NTRK2: variants seen among roughly 807,000 people sequenced by gnomAD.
The protein encoded by NTRK2 is neurotrophic receptor tyrosine kinase 2.
In NTRK2, 13 loss-of-function variants were observed where a neutral mutation model predicts 94.5. The observed-to-expected ratio is 0.14, with a 90% CI of 0.09 to 0.22. The LOEUF (loss-of-function observed/expected upper bound fraction) is 0.22, where lower values mean the gene tolerates loss of function less well. Among genes scored for constraint, NTRK2 ranks in the 10% least tolerant of loss-of-function variants. The pLI, the probability that NTRK2 is intolerant of heterozygous loss-of-function variation, is 1.00. For missense variants in NTRK2, 639 were observed against 1,071.2 expected (o/e 0.60, Z 5.63); for synonymous variants, 372 against 407.4 (o/e 0.91, Z 1.05).
Position 84,725,094 on chromosome 9 carries a change from G to A in NTRK2, c.853+738G>A, listed in dbSNP as rs61347074. On this transcript the variant is annotated intron_variant, in intron 8 of 18. Transcript: ENST00000277120. The stretch of plus-strand genomic sequence containing the variant: ...GTCATTGTAAATTCTGAGCTGGCAC[G>A]GTATAAATTAATGAGGTTTTACTCT... Among the ~76,000 whole-genome samples the A allele has an allele frequency of 1.4e-4, 22 of 152,176 alleles. 1 individual carries two copies. The East Asian group carries it at 3.9e-3, about 27-fold the overall frequency.
Position 84,707,850 on chromosome 9 carries a change from T to C in NTRK2, c.366T>C (p.Phe122=). ...TGTTTTTGATTCCTTTCAGCAATTT[T>C]ACCCGAAACAAACTGACGAGTTTGT... ...LKNSNLQHIN[F]TRNKLTSLSR... is the part of the protein sequence containing the mutation. Residue 122 remains phenylalanine, a synonymous_variant, in exon 5 of 19, where the codon TTT becomes TTC. Transcript: ENST00000277120. 3 of 1,612,636 alleles carry C rather than the reference T, an allele frequency of 1.9e-6. No homozygotes were observed. The highest frequency in any genetic ancestry group is 2.5e-6 in the Non-Finnish European group (3 of 1,178,962).
rs1245731157 is a variant in NTRK2, at chr9:85,021,240, A to G, written c.2332-12A>G. On this transcript the variant is annotated splice_polypyrimidine_tract_variant and intron_variant, in intron 18 of 18. Coordinates refer to ENST00000277120, the MANE Select transcript of NTRK2 (RefSeq NM_006180.6). ...TTCCTCCTGTCTCATCCTATCTTTGATCTCCATCCAGGTGATAGAGTGTAT... is the reference window on the plus strand; with the variant it reads ...TTCCTCCTGTCTCATCCTATCTTTGGTCTCCATCCAGGTGATAGAGTGTAT... 6.2e-7 allele frequency: 1 copy of G among 1,612,794 alleles called. No homozygotes were observed.
chr9:84,872,850 A>G (rs199767096), intron 14 of NTRK2: 2 of 1,065,106 alleles, frequency 1.9e-6, no homozygotes, highest in Non-Finnish European at 2.3e-6. Context: ...GAGTATTTTA[A>G]CATTAGCTAA....
intron 17 of NTRK2, among the ~76,000 whole-genome samples, chr9:84,974,199 A>G (rs1826521146): frequency 6.6e-6 from 1 of 152,258 alleles, no homozygotes; most frequent in African/African-American, 2.4e-5. Context: ...GAGAAAGTAC[A>G]TAAAACCTGA....
intron 2 of NTRK2, among the ~76,000 whole-genome samples, chr9:84,684,353 C>A (rs1453253745): frequency 6.6e-6 from 1 of 152,148 alleles, no homozygotes; most frequent in Non-Finnish European, 1.5e-5. Flanking sequence ...TTTAATCCAT[C>A]TAGAGTTAAT....
At chr9:84,876,108 T>C (rs552370602) in intron 14 of NTRK2, 9 of 1,036,628 alleles carry the variant, frequency 8.7e-6, no homozygotes, top group African/African-American at 1.7e-5. Context: ...TTTTTAACCA[T>C]GCCATTGAAC....
chr9:84,697,446 G>A (rs2060454278), intron 2 of NTRK2, among the ~76,000 whole-genome samples: 1 of 152,164 alleles, frequency 6.6e-6, no homozygotes. Context: ...CTCCCTTGAG[G>A]GAATGGCACC....
At chr9:84,722,251 G>T (rs1444633877) in intron 6 of NTRK2, among the ~76,000 whole-genome samples, 4 of 150,782 alleles carry the variant, frequency 2.7e-5, no homozygotes, top group Non-Finnish European at 5.9e-5. Flanking sequence ...GTTTGGAAGG[G>T]GGGGTCTCAC....
At chr9:84,852,020 C>T (rs1308733899) in intron 12 of NTRK2, among the ~76,000 whole-genome samples, 2 of 152,150 alleles carry the variant, frequency 1.3e-5, no homozygotes, top group African/African-American at 4.8e-5. Flanking sequence ...ATGGAGAGCA[C>T]GGCCTTCCTT....
At chr9:84,971,751 C>T (rs1826210291) in intron 17 of NTRK2, among the ~76,000 whole-genome samples, 1 of 152,150 alleles carries the variant, frequency 6.6e-6, no homozygotes, top group Admixed American at 6.5e-5. Context: ...GGCTGAGGGG[C>T]TCTTACAGAA....
chr9:84,685,589 A>G (rs1037529307), intron 2 of NTRK2, among the ~76,000 whole-genome samples: 6 of 152,192 alleles, frequency 3.9e-5, no homozygotes, highest in African/African-American at 1.4e-4. Context: ...CCTCAAATTC[A>G]AAGCCATTTC....
intron 12 of NTRK2, among the ~76,000 whole-genome samples, chr9:84,782,830 G>A (rs1238727378): frequency 6.6e-6 from 1 of 152,142 alleles, no homozygotes; most frequent in Admixed American, 6.6e-5. Flanking sequence ...ATGGCTGGGT[G>A]GGAACTCAGT....
intron 14 of NTRK2, among the ~76,000 whole-genome samples, chr9:84,909,451 G>A (rs771007144): frequency 3.3e-5 from 5 of 151,914 alleles, no homozygotes; most frequent in Admixed American, 6.6e-5. Flanking sequence ...GCAATTACTC[G>A]GTGGTAGGGT....
chr9:84,721,033 CA>C (rs2062025093), intron 6 of NTRK2, among the ~76,000 whole-genome samples: 1 of 152,192 alleles, frequency 6.6e-6, no homozygotes, highest in Admixed American at 6.5e-5. Flanking sequence ...TATATTGGCA[CA>C]TTTTTTTCCT....
In NTRK2 at chr9:84,872,471, G is replaced by C. The variant is rs999421596; in HGVS notation, c.1633+5040G>C. 1.0e-5 allele frequency: 11 copies of C among 1,071,582 alleles called. No homozygotes were observed. The Admixed American group carries it at 1.5e-4, about 14-fold the overall frequency. 66.4% of individuals were successfully genotyped at this position (1,071,582 alleles called of 1,614,324 possible). A position where few individuals can be genotyped will look rare whatever the true frequency, so the allele number is the denominator to read the frequency against. ...GCCTTGTAAATTAGCTAGGGTCCTA[G>C]GGTTGAGGCCTAAATCAACTTAAAA... is the stretch of plus-strand genomic sequence containing the variant. On this transcript the variant is annotated intron_variant, in intron 14 of 18. Coordinates refer to ENST00000277120, the MANE Select transcript of NTRK2 (RefSeq NM_006180.6).
intron 12 of NTRK2, among the ~76,000 whole-genome samples, chr9:84,817,018 T>C (rs1440373399): frequency 6.6e-6 from 1 of 152,184 alleles, no homozygotes; most frequent in Non-Finnish European, 1.5e-5. Flanking sequence ...CGTGCTTCAA[T>C]TTCTTCCTTT....
intron 17 of NTRK2, among the ~76,000 whole-genome samples, chr9:84,981,196 T>C (rs974750594): frequency 6.6e-6 from 1 of 152,198 alleles, no homozygotes; most frequent in African/African-American, 2.4e-5. Context: ...TTCTCCTGCC[T>C]CAGGCTCCCA....
At chr9:84,795,958 CTT>C (rs970690802) in intron 12 of NTRK2, among the ~76,000 whole-genome samples, 14 of 140,332 alleles carry the variant, frequency 1.0e-4, no homozygotes, top group Non-Finnish European at 9.4e-5. Context: ...GATTACTTTT[CTT>C]TTTTTTTTTT....
intron 14 of NTRK2, chr9:84,874,657 T>C: frequency 9.4e-7 from 1 of 1,061,876 alleles, no homozygotes. Flanking sequence ...TAGTTCAACC[T>C]GGTTGCCACA....
Sources: gnomAD v4.1 joint callset for allele counts (sites outside exome capture counted in the v4.1 genomes callset) on GRCh38, gnomAD v4.1.1 for gene constraint, MANE v1.5 for transcripts, NCBI Gene and HGNC (gene_info 2026-07-23, HGNC 2026-07-21) for gene names.